The following SLC24A2 variants were observed in gnomAD, a reference collection of about 807,000 sequenced individuals.
SLC24A2 encodes the protein sodium/potassium/calcium exchanger 2.
A neutral mutation model predicts 62.0 loss-of-function variants in SLC24A2; 36 were observed. The observed-to-expected ratio is 0.58, with a 90% CI of 0.44 to 0.77. The LOEUF is 0.77. Among genes scored for constraint, SLC24A2 ranks in the 30% least tolerant of loss-of-function variants. The probability of loss-of-function intolerance (pLI) is 0.00; values close to 1 mark genes in which losing one functional copy is unlikely to be tolerated. For synonymous variants in SLC24A2, 358 were observed against 294.0 expected (o/e 1.22, Z -2.23); for missense variants, 846 against 817.9 (o/e 1.03, Z -0.42).
chr9:19,626,949 A>T (rs576181460), intron 2 of SLC24A2, among the ~76,000 whole-genome samples: 2 of 152,346 alleles, frequency 1.3e-5, no homozygotes, highest in South Asian at 4.1e-4. Flanking sequence ...GTCAGATGGA[A>T]ACTCATCTCT....
chr9:19,867,417 G>C, the SLC24A2 span, among the ~76,000 whole-genome samples: 9 of 152,170 alleles, frequency 5.9e-5, no homozygotes, highest in African/African-American at 2.2e-4. Flanking sequence ...AGTAATTTGT[G>C]TCTTTCTAGG....
chr9:20,171,134 G>A, the SLC24A2 span, among the ~76,000 whole-genome samples: 1 of 151,894 alleles, frequency 6.6e-6, no homozygotes, highest in East Asian at 1.9e-4. Flanking sequence ...TATAAATGAA[G>A]GAAAGATATA....
chr9:20,164,434 A>G, the SLC24A2 span, among the ~76,000 whole-genome samples: 3 of 152,160 alleles, frequency 2.0e-5, no homozygotes, highest in African/African-American at 7.2e-5. Flanking sequence ...CCACGATGAG[A>G]TACCATCTCA....
chr9:19,836,768 A>G, the SLC24A2 span, among the ~76,000 whole-genome samples: 1 of 152,192 alleles, frequency 6.6e-6, no homozygotes, highest in Non-Finnish European at 1.5e-5. Flanking sequence ...TGGCAGAGAC[A>G]CAACCAAAAA....
intron 2 of SLC24A2, among the ~76,000 whole-genome samples, chr9:19,626,746 TA>T (rs932960902): frequency 7.2e-5 from 11 of 152,336 alleles, no homozygotes; most frequent in Admixed American, 4.6e-4. Flanking sequence ...GATTTTCATT[TA>T]AAAAATTAAC....
intron 2 of SLC24A2, among the ~76,000 whole-genome samples, chr9:19,745,786 G>A (rs1232221147): frequency 6.6e-6 from 1 of 152,024 alleles, no homozygotes; most frequent in Non-Finnish European, 1.5e-5. Flanking sequence ...TTACACAATA[G>A]GCAAAGCAAG....
chr9:19,758,565 T>A (rs1021544395), intron 2 of SLC24A2, among the ~76,000 whole-genome samples: 8 of 152,154 alleles, frequency 5.3e-5, no homozygotes, highest in African/African-American at 2.4e-5. Context: ...AATTAGAATA[T>A]AACATTATTT....
the SLC24A2 span, among the ~76,000 whole-genome samples, chr9:19,940,842 T>C: frequency 6.6e-6 from 1 of 152,242 alleles, no homozygotes; most frequent in African/African-American, 2.4e-5. Context: ...GTGTGGCTTT[T>C]TGTAAAGCCA....
At chr9:19,935,102 G>A in the SLC24A2 span, among the ~76,000 whole-genome samples, 1 of 150,508 alleles carries the variant, frequency 6.6e-6, no homozygotes, top group Non-Finnish European at 1.5e-5. Context: ...CTTTAGTCAC[G>A]GGGCAGGATG....
the SLC24A2 span, among the ~76,000 whole-genome samples, chr9:20,144,200 T>A: frequency 1.1e-4 from 16 of 152,210 alleles, no homozygotes; most frequent in Non-Finnish European, 2.9e-5. Context: ...CTCTGAGGCT[T>A]TTTCTGTGAA....
At chr9:19,577,699 T>A (rs1836065630) in intron 5 of SLC24A2, among the ~76,000 whole-genome samples, 1 of 152,084 alleles carries the variant, frequency 6.6e-6, no homozygotes, top group South Asian at 2.1e-4. Flanking sequence ...CAAGTAATGT[T>A]GGTGATGAGA....
At chr9:19,951,949 G>T in the SLC24A2 span, among the ~76,000 whole-genome samples, 1 of 152,024 alleles carries the variant, frequency 6.6e-6, no homozygotes, top group Non-Finnish European at 1.5e-5. Context: ...ACAATGTTGA[G>T]TTTTCTAATC....
At chr9:19,943,598 G>C in the SLC24A2 span, among the ~76,000 whole-genome samples, 5 of 152,084 alleles carry the variant, frequency 3.3e-5, no homozygotes, top group Non-Finnish European at 7.4e-5. Context: ...AAACTCAAGA[G>C]TGCATTTGTG....
At chr9:19,531,548 C>T (rs1038563409) in intron 8 of SLC24A2, among the ~76,000 whole-genome samples, 1 of 152,164 alleles carries the variant, frequency 6.6e-6, no homozygotes, top group Admixed American at 6.6e-5. Context: ...TTTGGTACAT[C>T]AGAGTGATAT....
rs1436529821 is a variant in SLC24A2, at chr9:19,514,405, AT to A, written c.*1747del. On this transcript the variant is annotated 3_prime_UTR_variant, in exon 11 of 11. Transcript: ENST00000341998. ...AACTTAGACGTAGGATGGGTACAGA[AT>A]AATGAACCATCCTTGATTCAATTTT... 1 of 152,232 alleles carries A rather than the reference AT, an allele frequency of 6.6e-6. No homozygotes were observed. Among genetic ancestry groups the A allele is most frequent in the African/African-American group, 2.4e-5 (1 of 41,474 alleles). 9.4% of individuals were successfully genotyped at this position (152,232 alleles called of 1,614,324 possible).
chr9:19,519,589 C>T (rs893623106), intron 10 of SLC24A2, among the ~76,000 whole-genome samples: 1 of 152,172 alleles, frequency 6.6e-6, no homozygotes, highest in Non-Finnish European at 1.5e-5. Context: ...ATCCATCCCA[C>T]AAACACTTGT....
the SLC24A2 span, among the ~76,000 whole-genome samples, chr9:19,933,740 T>C: frequency 2.0e-5 from 3 of 152,232 alleles, no homozygotes; most frequent in Non-Finnish European, 4.4e-5. Context: ...AACTGATGAA[T>C]GGATAAACGA....
chr9:19,967,267 T>C, the SLC24A2 span: 1 of 152,204 alleles, frequency 6.6e-6, no homozygotes, highest in Non-Finnish European at 1.5e-5. Context: ...GTCACTATTT[T>C]CTTTAACTTT....
At chr9:20,106,895 G>C in the SLC24A2 span, among the ~76,000 whole-genome samples, 1 of 152,272 alleles carries the variant, frequency 6.6e-6, no homozygotes, top group African/African-American at 2.4e-5. Context: ...ATTAGGAAAA[G>C]AGGAAGTCAA....
Sources: gnomAD v4.1 joint callset for allele counts (sites outside exome capture counted in the v4.1 genomes callset) on GRCh38, gnomAD v4.1.1 for gene constraint, MANE v1.5 for transcripts, NCBI Gene and HGNC (gene_info 2026-07-23, HGNC 2026-07-21) for gene names.